The following STIL variants were observed in gnomAD, a reference collection of about 807,000 sequenced individuals.
STIL encodes SCL-interrupting locus protein.
In STIL, 55 loss-of-function variants were observed where a neutral mutation model predicts 110.1. That is an observed-to-expected ratio of 0.50 (90% CI 0.40 to 0.63). The LOEUF (loss-of-function observed/expected upper bound fraction) is 0.63. STIL is among the 20% of genes least tolerant of loss of function. The pLI, the probability that STIL is intolerant of heterozygous loss-of-function variation, is 0.00. For missense variants in STIL, 1,358 were observed against 1,530.0 expected (o/e 0.89, Z 1.87); for synonymous variants, 481 against 530.0 (o/e 0.91, Z 1.27).
In STIL at chr1:47,289,285, A is replaced by T. The variant is rs1645406357; in HGVS notation, c.1023+150T>A. On this transcript the variant is annotated intron_variant, in intron 9 of 16. Transcript: ENST00000371877. ...ACTAAAAAAATTTAACCATAAATGA[A>T]TAAAGTTAATATTTAATAAGATTAT... The T allele has an allele frequency of 5.9e-6, 3 of 506,970 alleles. No individual in the cohort carries two copies. The South Asian group carries it at 1.4e-4, about 24-fold the overall frequency. The allele number at this position is 506,970 out of a possible 1,614,324, so 31.4% of individuals were successfully genotyped here. A position where few individuals can be genotyped will look rare whatever the true frequency, so the allele number is the denominator to read the frequency against.
rs150115924 is a variant in STIL, at chr1:47,296,817, A to C, written c.702-969T>G. Among the ~76,000 whole-genome samples, 486 of 152,302 alleles carry C rather than the reference A, an allele frequency of 3.2e-3. 3 individuals carry two copies. The highest frequency in any genetic ancestry group is 0.011 in the African/African-American group (459 of 41,572). On this transcript the variant is annotated intron_variant, in intron 6 of 16. Transcript: ENST00000371877. ...CAACAGAGTGAGACTCCGTCTCAAA[A>C]ACAGAAAACAAAAACAATGCCATTA...
chr1:47,256,331 T>C (rs1353490499), intron 16 of STIL, among the ~76,000 whole-genome samples: 1 of 152,124 alleles, frequency 6.6e-6, no homozygotes, highest in African/African-American at 2.4e-5. Context: ...TTTAGAACTA[T>C]ATAAAATCTT....
chr1:47,287,750 G>C lies in STIL; in HGVS notation c.1024-90C>G, dbSNP rs1645347576. 3 of 990,076 alleles carry C rather than the reference G, an allele frequency of 3.0e-6. No homozygotes were observed. The South Asian group carries it at 4.0e-5, about 13-fold the overall frequency. The allele number at this position is 990,076 out of a possible 1,614,324, so 61.3% of individuals were successfully genotyped here. On this transcript the variant is annotated intron_variant, in intron 9 of 16. Transcript: ENST00000371877. ...GATGAAAAGTAGCTCTGAAACACTA[G>C]ATGATGGAGTGGCAGACTTCTGATT...
intron 12 of STIL, among the ~76,000 whole-genome samples, chr1:47,276,027 G>A (rs11211502): frequency 0.093 from 13,996 of 150,028 alleles, 2,143 homozygotes; most frequent in African/African-American, 0.32. Flanking sequence ...TTTTGAGACA[G>A]AGTCTAGCTC....
rs12129594 is a variant in STIL, at chr1:47,305,134, T to C, written c.45-138A>G. 0.28 allele frequency: 180,851 copies of C among 655,672 alleles called. 27,287 individuals carry two copies. The highest frequency in any genetic ancestry group is 0.36 in the Middle Eastern group (987 of 2,752). The allele number at this position is 655,672 out of a possible 1,614,324, so 40.6% of individuals were successfully genotyped here. On this transcript the variant is annotated intron_variant, in intron 2 of 16. Transcript: ENST00000371877. ...AATTTTCAAAGAGTTTATATATATA[T>C]ATTTTTTTTGAGACAAAGTCTCACT... is the stretch of plus-strand genomic sequence containing the variant.
intron 14 of STIL, among the ~76,000 whole-genome samples, chr1:47,265,258 A>AAAAAAAAAAAC: frequency 6.6e-6 from 1 of 150,758 alleles, no homozygotes; most frequent in Non-Finnish European, 1.5e-5. Flanking sequence ...AAAAAAAAAA[A>AAAAAAAAAAAC]AACACAAGAT....
At chr1:47,279,890 T>C (rs997139101) in intron 12 of STIL, among the ~76,000 whole-genome samples, 16 of 152,120 alleles carry the variant, frequency 1.1e-4, no homozygotes, top group South Asian at 8.3e-4. Context: ...AAACTAGAGA[T>C]GAAGTATAAG....
At chr1:47,307,086 G>A (rs1645981142) in intron 2 of STIL, among the ~76,000 whole-genome samples, 1 of 152,176 alleles carries the variant, frequency 6.6e-6, no homozygotes, top group Non-Finnish European at 1.5e-5. Context: ...AGGGGGAAGA[G>A]GTTTCAGTGA....
intron 14 of STIL, among the ~76,000 whole-genome samples, chr1:47,266,968 C>T (rs1644672156): frequency 6.6e-6 from 1 of 152,200 alleles, no homozygotes; most frequent in Non-Finnish European, 1.5e-5. Context: ...CCTATACTCT[C>T]CCTCTCAATC....
At chr1:47,260,899 T>C (rs1041456479) in intron 15 of STIL, among the ~76,000 whole-genome samples, 6 of 152,034 alleles carry the variant, frequency 3.9e-5, no homozygotes, top group Non-Finnish European at 7.4e-5. Context: ...TAAAAAACAA[T>C]TTTACAGTAA....
In STIL at chr1:47,270,388, C is replaced by A. The variant is rs75237804; in HGVS notation, c.2384-522G>T. 3.0e-3 allele frequency among the ~76,000 whole-genome samples: 445 copies of A among 149,252 alleles called. 15 individuals are homozygous for A. In the East Asian group the frequency reaches 0.058, roughly 20 times the overall value. ...AAAGACAAAACACTAGGGGACGGGT[C>A]GGGTGGAAGGGCACATTCTGGGTTC... On this transcript the variant is annotated intron_variant, in intron 13 of 16. Transcript: ENST00000371877.
chr1:47,258,193 A>G (rs571129761), intron 16 of STIL, among the ~76,000 whole-genome samples: 7 of 152,336 alleles, frequency 4.6e-5, no homozygotes, highest in Admixed American at 6.5e-5. Context: ...CATAGCCTCT[A>G]TCTTGCAACA....
chr1:47,309,240 T>A (rs1646053592), intron 2 of STIL, among the ~76,000 whole-genome samples: 1 of 152,024 alleles, frequency 6.6e-6, no homozygotes, highest in South Asian at 2.1e-4. Context: ...TTAAATTTTT[T>A]TAATTAAAAA....
chr1:47,307,646 T>C (rs1356465655), intron 2 of STIL, among the ~76,000 whole-genome samples: 2 of 152,182 alleles, frequency 1.3e-5, no homozygotes, highest in African/African-American at 4.8e-5. Context: ...TTGAGCAATA[T>C]GAAATGTGGG....
chr1:47,300,209 A>G (rs1389107802), intron 5 of STIL, 57 bp from the exon 6 acceptor site: 2 of 1,541,104 alleles, frequency 1.3e-6, no homozygotes, highest in East Asian at 2.4e-5. Context: ...CCATATCGCC[A>G]AAGTTTATTT....
Position 47,280,824 on chromosome 1 carries a change from T to A in STIL, c.1634A>T (p.Asn545Ile). The change falls in exon 12 of 17, where the codon AAT becomes ATT. Residue 545 changes from asparagine to isoleucine, a missense_variant. Asn to Ile is a moderately radical substitution (Grantham distance 149). Coordinates refer to ENST00000371877, the MANE Select transcript of STIL (RefSeq NM_001048166.1). ...TATAGGATACTCTTCGTTTTGTACA[T>A]TTCCAGCAGAAACTGTTTGGAGCTT... The part of the protein sequence containing the change: ...FEKLQTVSAG[N>I]VQNEEYPIRP... 2 of 1,614,222 alleles carry A rather than the reference T, an allele frequency of 1.2e-6. No individual in the cohort carries two copies. The highest frequency in any genetic ancestry group is 4.5e-5 in the East Asian group (2 of 44,884).
At chr1:47,282,269 A>G in intron 11 of STIL, 76 bp downstream of exon 11, 1 of 876,440 alleles carries the variant, frequency 1.1e-6, no homozygotes, top group Non-Finnish European at 1.9e-6. Flanking sequence ...TTCAGGTAGT[A>G]TTATTTAGTG....
intron 6 of STIL, among the ~76,000 whole-genome samples, chr1:47,297,299 C>T (rs371276881): frequency 4.0e-5 from 6 of 150,942 alleles, no homozygotes; most frequent in African/African-American, 7.3e-5. Flanking sequence ...GAGCTGAGAT[C>T]GTGCCACTGC....
At chr1:47,312,481 C>T (rs1221527740) in intron 1 of STIL, among the ~76,000 whole-genome samples, 1 of 152,114 alleles carries the variant, frequency 6.6e-6, no homozygotes, top group African/African-American at 2.4e-5. Context: ...CTAAACAGTC[C>T]TTCTTAGAAA....
Sources: allele counts gnomAD v4.1 joint callset (sites outside exome capture counted in the v4.1 genomes callset), GRCh38; gene constraint gnomAD v4.1.1; transcripts MANE v1.5; gene names NCBI Gene and HGNC (gene_info 2026-07-23, HGNC 2026-07-21).